Variants in FAM178B observed in about 807,000 individuals in gnomAD.
The protein encoded by FAM178B is protein FAM178B.
FAM178B carries 82 observed loss-of-function variants against 91.7 expected under a neutral mutation model. That is an observed-to-expected ratio of 0.89 (90% CI 0.75 to 1.07). FAM178B has a LOEUF of 1.07. FAM178B is among the 50% of genes least tolerant of loss of function. The probability of loss-of-function intolerance (pLI) is 0.00; values close to 1 mark genes in which losing one functional copy is unlikely to be tolerated. For missense variants in FAM178B, 769 were observed against 846.7 expected, an observed-to-expected ratio of 0.91 and a Z score of 1.14; for synonymous variants, 368 against 359.4, an observed-to-expected ratio of 1.02 and a Z score of -0.27.
chr2:96,884,579 G>A (rs1415059518), intron 14 of FAM178B, among the ~76,000 whole-genome samples: 4 of 152,212 alleles, frequency 2.6e-5, no homozygotes, highest in African/African-American at 9.7e-5. Flanking sequence ...TGGGGAGGGA[G>A]ACAGAGCTTA....
At chr2:96,968,093 T>C (rs2082169987) in intron 4 of FAM178B, among the ~76,000 whole-genome samples, 3 of 151,752 alleles carry the variant, frequency 2.0e-5, no homozygotes, top group Admixed American at 1.3e-4. Context: ...CGTTCTTTTT[T>C]TTTAAACACA....
chr2:96,969,371 GCTCT>G (rs1347173805), intron 4 of FAM178B, among the ~76,000 whole-genome samples: 3 of 152,244 alleles, frequency 2.0e-5, no homozygotes, highest in East Asian at 1.9e-4. Context: ...GAGAGCTTGT[GCTCT>G]CTCTGCCACG....
Position 96,902,711 on chromosome 2 carries a change from G to A in FAM178B, c.1563-4C>T. The A allele has an allele frequency of 6.5e-7, 1 of 1,549,264 alleles. No homozygotes were observed. Among genetic ancestry groups the A allele is most frequent in the South Asian group, 1.2e-5 (1 of 84,008 alleles). ...GCTGAGCTGGCTTCGAAGCCGCCTG[G>A]GGGAAAAGCGACAGCCTGAGAGAGG... On this transcript the variant is annotated splice_polypyrimidine_tract_variant and splice_region_variant and intron_variant, in intron 12 of 16. Transcript: ENST00000490605.
At chr2:96,972,389 C>T in intron 2 of FAM178B, 67 bp from the exon 3 acceptor site, 2 of 1,472,002 alleles carry the variant, frequency 1.4e-6, no homozygotes, top group African/African-American at 2.8e-5. Context: ...TCAAGCCACA[C>T]TGGGTAAGGA....
At chr2:96,977,384 C>CAAAAAA (rs754852439) in intron 1 of FAM178B, among the ~76,000 whole-genome samples, 2 of 24,450 alleles carry the variant, frequency 8.2e-5, no homozygotes, top group Admixed American at 3.6e-4. Flanking sequence ...GACTCCGTCT[C>CAAAAAA]AAAAAAAAAA....
intron 1 of FAM178B, among the ~76,000 whole-genome samples, 183 bp downstream of exon 1, chr2:96,986,058 C>T (rs1366587758): frequency 6.6e-6 from 1 of 152,206 alleles, no homozygotes; most frequent in Non-Finnish European, 1.5e-5. Context: ...GAGAGGAGGG[C>T]CCGGCTCACG....
chr2:96,877,930 T>C lies in FAM178B; in HGVS notation c.1967A>G (p.Tyr656Cys). The C allele has an allele frequency of 6.2e-7, 1 of 1,613,844 alleles. No individual in the cohort carries two copies. Among genetic ancestry groups the C allele is most frequent in the Non-Finnish European group, 8.5e-7 (1 of 1,180,012 alleles). ...TMLKDLATQT[Y>C]IRWQELLTHC... ...GGTCAGCAGCTCCTGCCAACGGATGTAGGTCTGGGTAGCCAGGTCCTTGAG... is the reference window on the plus strand; with the variant it reads ...GGTCAGCAGCTCCTGCCAACGGATGCAGGTCTGGGTAGCCAGGTCCTTGAG... The change falls in exon 16 of 17, where the codon TAC becomes TGC. Residue 656 changes from tyrosine (Y) to cysteine (C), a missense_variant. Coordinates refer to ENST00000490605, the MANE Select transcript of FAM178B (RefSeq NM_001122646.3).
chr2:96,930,103 A>G (rs544777331), intron 8 of FAM178B, among the ~76,000 whole-genome samples: 3 of 150,202 alleles, frequency 2.0e-5, no homozygotes, highest in African/African-American at 7.3e-5. Context: ...CTGTAGTCCC[A>G]GGATAATTGC....
chr2:96,910,909 A>C (rs537919435), intron 12 of FAM178B, among the ~76,000 whole-genome samples: 11 of 151,238 alleles, frequency 7.3e-5, no homozygotes, highest in Non-Finnish European at 1.2e-4. Flanking sequence ...CTGGGACTAC[A>C]GGTGCACACC....
chr2:96,966,274 C>G (rs73961134), intron 5 of FAM178B, among the ~76,000 whole-genome samples: 5,389 of 152,166 alleles, frequency 0.035, 343 homozygotes, highest in African/African-American at 0.12. Context: ...GAGCCCTCAT[C>G]ACAGCCCACA....
chr2:96,911,340 G>A (rs2081153610), intron 12 of FAM178B, among the ~76,000 whole-genome samples: 1 of 152,220 alleles, frequency 6.6e-6, no homozygotes, highest in East Asian at 1.9e-4. Context: ...CCAGGCAGAG[G>A]AGGACAATGG....
At chr2:96,954,312 T>G (rs2081968717) in intron 6 of FAM178B, among the ~76,000 whole-genome samples, 1 of 152,220 alleles carries the variant, frequency 6.6e-6, no homozygotes, top group African/African-American at 2.4e-5. Flanking sequence ...GCAATGACAG[T>G]GGGCAGGTGT....
At chr2:96,922,874 A>C (rs1041417593) in intron 10 of FAM178B, among the ~76,000 whole-genome samples, 3 of 151,584 alleles carry the variant, frequency 2.0e-5, no homozygotes, top group African/African-American at 7.3e-5. Context: ...GGGTTTTGCC[A>C]TGTTAGCCAG....
In FAM178B at chr2:96,906,204, C is replaced by CTTT. The variant is rs779631865; in HGVS notation, c.1563-3500_1563-3498dup. ...CAGCCAATACTTTTTCTTTTTCTTT[C>CTTT]TTTTTTTTTTTTTTTGAGCAGGAGT... is the stretch of plus-strand genomic sequence containing the variant. On this transcript the variant is annotated intron_variant, in intron 12 of 16. Transcript: ENST00000490605. Among the ~76,000 whole-genome samples the CTTT allele has an allele frequency of 6.5e-3, 862 of 132,924 alleles. 8 individuals are homozygous for CTTT. The highest frequency in any genetic ancestry group is 0.015 in the African/African-American group (552 of 35,836). 87.2% of individuals were successfully genotyped at this position (132,924 alleles called of 152,430 possible).
chr2:96,880,239 G>C (rs941856126), intron 14 of FAM178B, among the ~76,000 whole-genome samples: 1 of 152,028 alleles, frequency 6.6e-6, no homozygotes, highest in East Asian at 1.9e-4. Flanking sequence ...AGTAGGATTC[G>C]AGGCAAAGAT....
At chr2:96,917,420 G>T (rs2153370518) in intron 12 of FAM178B, among the ~76,000 whole-genome samples, 1 of 152,292 alleles carries the variant, frequency 6.6e-6, no homozygotes, top group South Asian at 2.1e-4. Context: ...ATTGCCATGG[G>T]CCCTGGAGCT....
intron 12 of FAM178B, among the ~76,000 whole-genome samples, chr2:96,918,153 TA>T (rs1288112376): frequency 0.025 from 1,428 of 57,938 alleles, 6 homozygotes; most frequent in South Asian, 0.049. Flanking sequence ...TATTCTAAAA[TA>T]AAAAAAAAAA....
intron 9 of FAM178B, among the ~76,000 whole-genome samples, chr2:96,924,483 A>C (rs1262669351): frequency 3.3e-5 from 5 of 152,182 alleles, no homozygotes; most frequent in African/African-American, 4.8e-5. Context: ...AGGGCTGGGG[A>C]AAGAAAAATC....
At chr2:96,879,472 C>A (rs373212098) in intron 14 of FAM178B, among the ~76,000 whole-genome samples, 3 of 152,264 alleles carry the variant, frequency 2.0e-5, no homozygotes, top group Non-Finnish European at 2.9e-5. Flanking sequence ...GCTGCAGCTT[C>A]TTTGCACAGG....
Sources: gnomAD v4.1 joint callset for allele counts (sites outside exome capture counted in the v4.1 genomes callset) on GRCh38, gnomAD v4.1.1 for gene constraint, MANE v1.5 for transcripts, NCBI Gene and HGNC (gene_info 2026-07-23, HGNC 2026-07-21) for gene names.